The following HMCN2 variants were observed in gnomAD, a reference collection of about 807,000 sequenced individuals.
The protein encoded by HMCN2 is hemicentin 2.
In HMCN2, 325 loss-of-function variants were observed where a neutral mutation model predicts 377.5. That is an observed-to-expected ratio of 0.86 (90% CI 0.79 to 0.94). The LOEUF (loss-of-function observed/expected upper bound fraction) is 0.94. Among genes scored for constraint, HMCN2 ranks in the 40% least tolerant of loss-of-function variants. HMCN2 has a pLI of 0.00. For missense variants in HMCN2, 4,543 were observed against 4,725.3 expected, an observed-to-expected ratio of 0.96 and a Z score of 1.13; for synonymous variants, 2,007 against 2,046.8, an observed-to-expected ratio of 0.98 and a Z score of 0.53.
At chr9:130,389,123 TC>T (rs1351319316) in intron 62 of HMCN2, among the ~76,000 whole-genome samples, 6 of 152,184 alleles carry the variant, frequency 3.9e-5, no homozygotes, top group African/African-American at 1.4e-4. Flanking sequence ...TGGAAATCCG[TC>T]CACAGCAGGG....
intron 8 of HMCN2, among the ~76,000 whole-genome samples, chr9:130,301,550 A>G (rs117516079): frequency 1.3e-5 from 2 of 152,272 alleles, no homozygotes; most frequent in South Asian, 2.1e-4. Flanking sequence ...GGGGAGCCCA[A>G]ACTGGCTTGG....
chr9:130,385,798 C>T, intron 60 of HMCN2, 36 bp downstream of exon 60: 1 of 1,281,292 alleles, frequency 7.8e-7, no homozygotes, highest in Non-Finnish European at 1.0e-6. Context: ...GCCATGAGCG[C>T]TGCAGGAAAG....
rs748803779 is a variant in HMCN2 at position 130,388,550 on chromosome 9, T to C, written c.9523+10T>C. 12 of 987,986 alleles carry C rather than the reference T, an allele frequency of 1.2e-5. No homozygotes were observed. Among genetic ancestry groups the C allele is most frequent in the Non-Finnish European group, 1.4e-5 (12 of 830,126 alleles). 61.2% of individuals were successfully genotyped at this position (987,986 alleles called of 1,614,324 possible). A position where few individuals can be genotyped will look rare whatever the true frequency, so the allele number is the denominator to read the frequency against. Reference sequence around the variant, plus strand: ...GACAGGATGCCTGTGGGTGAGCACATCTGTCCTTGTCTGTTTCGCGTAAAG... The same window carrying C: ...GACAGGATGCCTGTGGGTGAGCACACCTGTCCTTGTCTGTTTCGCGTAAAG... On this transcript the variant is annotated intron_variant, in intron 62 of 97. Coordinates refer to ENST00000683500, the MANE Select transcript of HMCN2 (RefSeq NM_001291815.2).
intron 1 of HMCN2, among the ~76,000 whole-genome samples, chr9:130,282,800 G>C (rs1289483900): frequency 6.6e-6 from 1 of 152,238 alleles, no homozygotes; most frequent in East Asian, 1.9e-4. Flanking sequence ...GCTGGGCACA[G>C]TGGCTCACAC....
In HMCN2 at chr9:130,427,634, G is replaced by A. The variant is rs558573694; in HGVS notation, c.14065+15G>A. On this transcript the variant is annotated intron_variant, in intron 92 of 97. Transcript: ENST00000683500. ...GAACTGCAGAGGTGAGGGAGCTGCCGGGAGGAGGGAGGAGACGCGCTCCTC... is the reference window on the plus strand; with the variant it reads ...GAACTGCAGAGGTGAGGGAGCTGCCAGGAGGAGGGAGGAGACGCGCTCCTC... The A allele has an allele frequency of 1.9e-5, 30 of 1,545,964 alleles. No individual in the cohort carries two copies. The highest frequency in any genetic ancestry group is 1.7e-4 in the East Asian group (7 of 40,898).
intron 66 of HMCN2, among the ~76,000 whole-genome samples, chr9:130,392,991 A>G (rs375019310): frequency 2.3e-4 from 34 of 150,162 alleles, no homozygotes; most frequent in African/African-American, 7.1e-4. Flanking sequence ...GTGAGACACC[A>G]TCTCACCATC....
At chr9:130,413,361 A>G (rs1843522667) in intron 85 of HMCN2, among the ~76,000 whole-genome samples, 1 of 152,162 alleles carries the variant, frequency 6.6e-6, no homozygotes, top group East Asian at 1.9e-4. Flanking sequence ...GTCTCTCACC[A>G]TGGGGCGTGA....
Position 130,429,420 on chromosome 9 carries a change from G to A in HMCN2, c.14198-137G>A, listed in dbSNP as rs192014049. 9.7e-5 allele frequency: 101 copies of A among 1,044,796 alleles called. 1 individual carries two copies. In the East Asian group the frequency reaches 1.6e-3, roughly 16 times the overall value. 64.7% of individuals were successfully genotyped at this position (1,044,796 alleles called of 1,614,324 possible). A position where few individuals can be genotyped will look rare whatever the true frequency, so the allele number is the denominator to read the frequency against. On this transcript the variant is annotated intron_variant, in intron 93 of 97. Transcript: ENST00000683500. ...TAACTGGGGGAGGTGCTGTGAGGGCGGCCATGCAGCCTGGTGGCACTGAAA... is the reference window on the plus strand; with the variant it reads ...TAACTGGGGGAGGTGCTGTGAGGGCAGCCATGCAGCCTGGTGGCACTGAAA...
At position 130,425,001 on chromosome 9, in the gene HMCN2, G is replaced by A; in HGVS notation, c.13520-8G>A. The A allele has an allele frequency of 6.5e-7, 1 of 1,540,964 alleles. No homozygotes were observed. Among genetic ancestry groups the A allele is most frequent in the Middle Eastern group, 1.7e-4 (1 of 5,932 alleles). ...GGTGACTCTGGGCTGGGTGGGGATG[G>A]TTTGCAGGGGAGCTGCTCACGATGA... On this transcript the variant is annotated splice_polypyrimidine_tract_variant and splice_region_variant and intron_variant, in intron 88 of 97. Coordinates refer to ENST00000683500, the MANE Select transcript of HMCN2 (RefSeq NM_001291815.2).
chr9:130,429,592 C>A lies in HMCN2; in HGVS notation c.14233C>A (p.His4745Asn), dbSNP rs1200828590. ...ATGCCTGGAGGGGTTGGACGACTGT[C>A]ACTACAACCAGCTCTGCGAGAACAC... Reference protein sequence around the residue: ...DECLEGLDDCHYNQLCENTPG... With the variant: ...DECLEGLDDCNYNQLCENTPG... The change falls in exon 94 of 98, where the codon CAC (histidine) becomes AAC (asparagine). Residue 4745 changes from histidine (H) to asparagine (N), a missense_variant. Physicochemically the swap from His to Asn is moderately conservative, Grantham distance 68. This residue lies in a region of HMCN2 where 1,155 missense variants were observed against 1,157.7 expected (regional missense o/e 1.00). Coordinates refer to ENST00000683500, the MANE Select transcript of HMCN2 (RefSeq NM_001291815.2). 5.8e-6 allele frequency: 9 copies of A among 1,550,438 alleles called. No homozygotes were observed. The highest frequency in any genetic ancestry group is 7.8e-6 in the Non-Finnish European group (9 of 1,146,880).
chr9:130,271,688 C>T (rs1312923590), intron 1 of HMCN2, among the ~76,000 whole-genome samples: 1 of 148,720 alleles, frequency 6.7e-6, no homozygotes, highest in African/African-American at 2.4e-5. Flanking sequence ...TCCTTGAATT[C>T]GCTATTTCTC....
Position 130,404,644 on chromosome 9 carries a change from T to C in HMCN2, c.12149-225T>C, listed in dbSNP as rs143737962. Among the ~76,000 whole-genome samples the C allele has an allele frequency of 2.0e-4, 31 of 152,376 alleles. No individual in the cohort carries two copies. The East Asian group carries it at 6.0e-3, about 29-fold the overall frequency. ...ATATGTGCATGCATGTGTGTGTGTG[T>C]GTACACGTGTGCACAGGTGCAATGG... On this transcript the variant is annotated intron_variant, in intron 80 of 97. Transcript: ENST00000683500.
chr9:130,301,762 G>A (rs896262146), intron 8 of HMCN2, among the ~76,000 whole-genome samples: 4 of 152,242 alleles, frequency 2.6e-5, no homozygotes, highest in Non-Finnish European at 5.9e-5. Context: ...TCTCTGCTGG[G>A]CTCCTCTGCT....
chr9:130,399,183 G>A (rs1479766232), intron 75 of HMCN2, among the ~76,000 whole-genome samples: 1 of 150,668 alleles, frequency 6.6e-6, no homozygotes, highest in Non-Finnish European at 1.5e-5. Flanking sequence ...AGCCTGGGAG[G>A]TTGAGGCTGC....
At chr9:130,334,802 C>T (rs1446082879) in intron 22 of HMCN2, among the ~76,000 whole-genome samples, 1 of 144,862 alleles carries the variant, frequency 6.9e-6, no homozygotes, top group South Asian at 2.2e-4. Context: ...TCTCTCTCTT[C>T]TCTCTCTCTC....
rs572049504 is a variant in HMCN2, at chr9:130,428,110, G to A, written c.14066-248G>A. ...GCTGGGCTCCAAGCCGGGTGCCCAA[G>A]GGGACGTTGTCTGCAGCCTTGCATT... On this transcript the variant is annotated intron_variant, in intron 92 of 97. Transcript: ENST00000683500. The surrounding 1 kb of genome is among the most constrained non-coding windows in gnomAD (Gnocchi z 5.0). Among the ~76,000 whole-genome samples the A allele has an allele frequency of 1.3e-5, 2 of 152,344 alleles. No individual in the cohort carries two copies. Among genetic ancestry groups the A allele is most frequent in the African/African-American group, 4.8e-5 (2 of 41,586 alleles).
intron 24 of HMCN2, among the ~76,000 whole-genome samples, chr9:130,342,056 T>A (rs986388241): frequency 2.3e-4 from 34 of 147,992 alleles, no homozygotes; most frequent in African/African-American, 7.4e-4. Flanking sequence ...AATAAATAAA[T>A]AAATAAAAGC....
rs1840604416 is a variant in HMCN2 at position 130,364,828 on chromosome 9, A to AGT, written c.6347_6348insGT (p.Asp2116GlufsTer39). ...CCTCCTGTGCTGAGCTGGTGGAAGG[A>AGT]CGGGCGGCCCCTGGAACCACGGCCT... On this transcript the variant is annotated frameshift_variant, in exon 41 of 98. Transcript: ENST00000683500. LOFTEE classifies it high-confidence loss of function. The AGT allele has an allele frequency of 1.0e-6, 1 of 985,922 alleles. No homozygotes were observed. Among genetic ancestry groups the AGT allele is most frequent in the Non-Finnish European group, 1.2e-6 (1 of 830,084 alleles). 61.1% of individuals were successfully genotyped at this position (985,922 alleles called of 1,614,324 possible).
rs1275817082 is a variant in HMCN2, at chr9:130,433,013, C to T, written c.14895-335C>T. The T allele has an allele frequency of 7.6e-6, 3 of 392,746 alleles. No individual in the cohort carries two copies. In the East Asian group the frequency reaches 1.3e-4, roughly 17 times the overall value. 24.3% of individuals were successfully genotyped at this position (392,746 alleles called of 1,614,324 possible). A position where few individuals can be genotyped will look rare whatever the true frequency, so the allele number is the denominator to read the frequency against. On this transcript the variant is annotated intron_variant, in intron 97 of 97. Coordinates refer to ENST00000683500, the MANE Select transcript of HMCN2 (RefSeq NM_001291815.2). ...CTAAGCGCAGTCTCCACCTCCAACC[C>T]CGCCCCCGCAGGGCAAATCCAGACT...
Sources: gnomAD v4.1 joint callset for allele counts (sites outside exome capture counted in the v4.1 genomes callset) on GRCh38, gnomAD v4.1.1 for gene constraint, gnomAD v4.1.1 regional missense constraint, Gnocchi (gnomAD v3.1) non-coding constraint, MANE v1.5 for transcripts, NCBI Gene and HGNC (gene_info 2026-07-23, HGNC 2026-07-21) for gene names.